Variants in CHLSN observed in about 807,000 individuals in gnomAD.
CHLSN encodes protein cholesin.
the CHLSN span, chr7:1,026,811 C>T: frequency 3.3e-5 from 5 of 152,296 alleles, no homozygotes; most frequent in Non-Finnish European, 7.3e-5. Context: ...GTGGAGGGAA[C>T]AAAGCTACGT....
the CHLSN span, among the ~76,000 whole-genome samples, chr7:982,999 C>G: frequency 6.6e-6 from 1 of 152,120 alleles, no homozygotes; most frequent in African/African-American, 2.4e-5. Flanking sequence ...GTCCTGCCCT[C>G]CCCTCCCCGG....
chr7:986,567 C>T, the CHLSN span: 9 of 1,588,648 alleles, frequency 5.7e-6, no homozygotes, highest in South Asian at 1.1e-5. Context: ...CACCGCCTGC[C>T]CAGCGTGCAG....
chr7:1,124,735 T>TA, the CHLSN span, among the ~76,000 whole-genome samples: 16 of 124,426 alleles, frequency 1.3e-4, no homozygotes, highest in Non-Finnish European at 1.7e-5. Flanking sequence ...AAAAAAATTT[T>TA]AAAAAAGCAC....
chr7:1,136,169 T>C, the CHLSN span, among the ~76,000 whole-genome samples: 97 of 109,988 alleles, frequency 8.8e-4, 2 homozygotes, highest in East Asian at 8.4e-3. Flanking sequence ...CATAAATATG[T>C]ATAAATATAC....
At chr7:1,098,889 G>A in the CHLSN span, among the ~76,000 whole-genome samples, 31,435 of 152,182 alleles carry the variant, frequency 0.21, 3,508 homozygotes, top group Middle Eastern at 0.34. Flanking sequence ...TGAAGAAAAC[G>A]TTCTAAAATT....
the CHLSN span, among the ~76,000 whole-genome samples, chr7:1,089,437 G>A: frequency 1.9e-4 from 28 of 150,936 alleles, no homozygotes; most frequent in East Asian, 7.8e-4. Flanking sequence ...GCTGAGGCTC[G>A]AGTGCAGTGG....
the CHLSN span, chr7:987,331 C>A: frequency 1.3e-6 from 2 of 1,562,200 alleles, no homozygotes; most frequent in Admixed American, 1.7e-5. Flanking sequence ...CCCAAGCGGC[C>A]CACCCTTTGC....
the CHLSN span, among the ~76,000 whole-genome samples, chr7:1,033,335 A>T: frequency 1.3e-5 from 2 of 152,152 alleles, no homozygotes; most frequent in Non-Finnish European, 2.9e-5. Context: ...AGGCGGGCGG[A>T]TCACCTGAGG....
chr7:1,051,099 C>G, the CHLSN span, among the ~76,000 whole-genome samples: 3 of 152,328 alleles, frequency 2.0e-5, no homozygotes, highest in East Asian at 3.9e-4. Flanking sequence ...CCAGCACACC[C>G]GGACTTCTCG....
the CHLSN span, among the ~76,000 whole-genome samples, chr7:1,070,500 C>T: frequency 2.3e-4 from 34 of 150,540 alleles, 1 homozygote; most frequent in Non-Finnish European, 1.5e-4. Context: ...CACGAATGCA[C>T]GCGCACACAT....
At chr7:995,012 G>T in the CHLSN span, among the ~76,000 whole-genome samples, 2 of 152,208 alleles carry the variant, frequency 1.3e-5, no homozygotes, top group Non-Finnish European at 2.9e-5. Context: ...CGTGAGGGAC[G>T]GACGTGAGGG....
chr7:1,085,118 T>A, the CHLSN span, among the ~76,000 whole-genome samples: 2 of 152,264 alleles, frequency 1.3e-5, no homozygotes, highest in Admixed American at 6.5e-5. Flanking sequence ...CTCCTGAAGC[T>A]GGAGACACAC....
the CHLSN span, chr7:1,044,516 T>A: frequency 6.6e-6 from 1 of 151,834 alleles, no homozygotes; most frequent in South Asian, 2.1e-4. Context: ...CAGGCATGGC[T>A]GCCGCTCGCC....
the CHLSN span, among the ~76,000 whole-genome samples, chr7:1,013,675 C>T: frequency 6.6e-6 from 1 of 152,166 alleles, no homozygotes; most frequent in Non-Finnish European, 1.5e-5. Flanking sequence ...ACAGATGGGA[C>T]GGGCCTCATG....
the CHLSN span, among the ~76,000 whole-genome samples, chr7:1,094,163 G>A: frequency 2.0e-5 from 3 of 152,236 alleles, no homozygotes; most frequent in African/African-American, 2.4e-5. Flanking sequence ...GCACCCAAGC[G>A]CTCCTGGAGC....
the CHLSN span, chr7:983,211 C>A: frequency 6.7e-7 from 1 of 1,502,598 alleles, no homozygotes; most frequent in Non-Finnish European, 8.9e-7. Flanking sequence ...GCCACGTCCT[C>A]ATGGCCCTGC....
the CHLSN span, among the ~76,000 whole-genome samples, chr7:1,017,718 C>T: frequency 2.6e-5 from 4 of 151,828 alleles, no homozygotes; most frequent in Admixed American, 2.6e-4. Flanking sequence ...CCGCGGGCAG[C>T]CGCGGACGGC....
chr7:1,070,889 C>T, the CHLSN span, among the ~76,000 whole-genome samples: 1 of 150,800 alleles, frequency 6.6e-6, no homozygotes, highest in South Asian at 2.1e-4. Flanking sequence ...CACATGCACA[C>T]ACGTGCACAC....
the CHLSN span, among the ~76,000 whole-genome samples, chr7:989,991 T>C: frequency 2.0e-3 from 149 of 74,286 alleles, 5 homozygotes; most frequent in African/African-American, 2.7e-3. Flanking sequence ...CTGGGGGCGG[T>C]GTGGTCGGCA....
Sources: gnomAD v4.1 joint callset for allele counts (sites outside exome capture counted in the v4.1 genomes callset) on GRCh38, gnomAD v4.1.1 for gene constraint, MANE v1.5 for transcripts, NCBI Gene and HGNC (gene_info 2026-07-23, HGNC 2026-07-21) for gene names.